The following SLC14A2 variants were observed in gnomAD, a reference collection of about 807,000 sequenced individuals.
SLC14A2 encodes the protein urea transporter 2.
Under a neutral mutation model 104.6 loss-of-function variants are expected in SLC14A2, and 91 were observed. The observed-to-expected ratio is 0.87, with a 90% confidence interval of 0.73 to 1.04. SLC14A2 has a LOEUF of 1.04. Ranked by LOEUF, SLC14A2 falls within the 50% of genes least tolerant of loss-of-function variation. SLC14A2 has a pLI of 0.00. For missense variants in SLC14A2, 1,189 were observed against 1,156.0 expected (o/e 1.03, Z -0.41); for synonymous variants, 476 against 466.4 (o/e 1.02, Z -0.27).
intron 1 of SLC14A2, among the ~76,000 whole-genome samples, chr18:45,421,020 T>A (rs1167895165): frequency 6.6e-6 from 1 of 152,136 alleles, no homozygotes; most frequent in East Asian, 1.9e-4. Flanking sequence ...ATTACAGACA[T>A]GAGCCACCGC....
chr18:45,514,481 G>C (rs905314424), intron 2 of SLC14A2, among the ~76,000 whole-genome samples: 3 of 152,180 alleles, frequency 2.0e-5, no homozygotes, highest in African/African-American at 4.8e-5. Context: ...ATGAGATTTG[G>C]GTGGGGACAT....
At chr18:45,649,528 T>C (rs1210485128) in intron 10 of SLC14A2, among the ~76,000 whole-genome samples, 1 of 152,258 alleles carries the variant, frequency 6.6e-6, no homozygotes, top group Admixed American at 6.5e-5. Context: ...GTATTGAACA[T>C]GTTACATTTT....
intron 1 of SLC14A2, among the ~76,000 whole-genome samples, chr18:45,263,632 G>C: frequency 6.6e-6 from 1 of 152,076 alleles, no homozygotes; most frequent in East Asian, 1.9e-4. Context: ...AAATTCTTCT[G>C]GAAGGAAGAG....
intron 1 of SLC14A2, among the ~76,000 whole-genome samples, chr18:45,382,558 C>T (rs973093877): frequency 1.5e-4 from 23 of 152,140 alleles, no homozygotes; most frequent in Non-Finnish European, 1.0e-4. Context: ...ACTTTTGTTA[C>T]CTGGAGAATA....
Position 45,333,026 on chromosome 18 carries a change from A to G in SLC14A2, c.-125+119835A>G, listed in dbSNP as rs532479185. 2.6e-5 allele frequency among the ~76,000 whole-genome samples: 4 copies of G among 152,350 alleles called. No homozygotes were observed. In the South Asian group the frequency reaches 6.2e-4, roughly 24 times the overall value. ...TAAATGGGCTGAAATCTCCTGAGCTACACAGCTCTGGCAATTTATCATTCA... is the reference window on the plus strand; with the variant it reads ...TAAATGGGCTGAAATCTCCTGAGCTGCACAGCTCTGGCAATTTATCATTCA... On this transcript the variant is annotated intron_variant, in intron 1 of 20. Coordinates refer to the SLC14A2 transcript ENST00000586448.
At chr18:45,378,763 C>CTGT (rs570730451) in intron 1 of SLC14A2, among the ~76,000 whole-genome samples, 3,127 of 152,044 alleles carry the variant, frequency 0.021, 93 homozygotes, top group African/African-American at 0.069. Flanking sequence ...CTGATCATTG[C>CTGT]TGTTGTTGTT....
intron 1 of SLC14A2, among the ~76,000 whole-genome samples, chr18:45,404,917 G>A (rs1006849878): frequency 6.6e-6 from 1 of 152,172 alleles, no homozygotes; most frequent in African/African-American, 2.4e-5. Flanking sequence ...AGTGTTTGAG[G>A]GTGAAGAGGG....
intron 2 of SLC14A2, among the ~76,000 whole-genome samples, chr18:45,495,423 C>T (rs1415155382): frequency 6.6e-6 from 1 of 152,216 alleles, no homozygotes; most frequent in Non-Finnish European, 1.5e-5. Flanking sequence ...GCATAAACTT[C>T]ACTTGACTGG....
intron 1 of SLC14A2, among the ~76,000 whole-genome samples, chr18:45,406,339 A>ATTC (rs2069662427): frequency 6.6e-6 from 1 of 152,310 alleles, no homozygotes; most frequent in East Asian, 1.9e-4. Flanking sequence ...GATTGCAGCA[A>ATTC]TTCAGTCACA....
chr18:45,531,330 T>G (rs1297416962), intron 2 of SLC14A2, among the ~76,000 whole-genome samples: 1 of 152,186 alleles, frequency 6.6e-6, no homozygotes, highest in Non-Finnish European at 1.5e-5. Flanking sequence ...TGTAAAAGTG[T>G]TCCTATTTCT....
At chr18:45,598,444 T>C (rs1234205632) in intron 2 of SLC14A2, among the ~76,000 whole-genome samples, 1 of 152,182 alleles carries the variant, frequency 6.6e-6, no homozygotes, top group Non-Finnish European at 1.5e-5. Flanking sequence ...TGGACGGCGC[T>C]GCATTATGAC....
chr18:45,631,179 A>T (rs1276860146), intron 4 of SLC14A2, among the ~76,000 whole-genome samples: 2 of 152,226 alleles, frequency 1.3e-5, no homozygotes, highest in African/African-American at 4.8e-5. Flanking sequence ...AACAAATACT[A>T]GCTGAGCACC....
Position 45,657,081 on chromosome 18 carries a change from G to A in SLC14A2, c.1352-6704G>A, listed in dbSNP as rs558018263. On this transcript the variant is annotated intron_variant, in intron 10 of 19. Transcript: ENST00000255226. ...CAGATAGGAAGTCTCAGGAAGACTG[G>A]GGTTTTTCTTGAGGAAAGGGAGCCA... Among the ~76,000 whole-genome samples the A allele has an allele frequency of 2.0e-5, 3 of 152,280 alleles. No individual in the cohort carries two copies. In the East Asian group the frequency reaches 5.8e-4, roughly 29 times the overall value.
chr18:45,250,091 C>T (rs1462310894), intron 1 of SLC14A2, among the ~76,000 whole-genome samples: 1 of 152,174 alleles, frequency 6.6e-6, no homozygotes, highest in Admixed American at 6.5e-5. Context: ...TGTGAACCCA[C>T]ATGTGGAAAC....
At chr18:45,291,006 G>A (rs75057314) in intron 1 of SLC14A2, among the ~76,000 whole-genome samples, 2,850 of 152,232 alleles carry the variant, frequency 0.019, 40 homozygotes, top group Non-Finnish European at 0.026. Context: ...GGTTCCCAGC[G>A]TCATCAATAA....
At chr18:45,502,107 T>G (rs151105837) in intron 2 of SLC14A2, among the ~76,000 whole-genome samples, 123 of 152,282 alleles carry the variant, frequency 8.1e-4, no homozygotes, top group African/African-American at 2.8e-3. Flanking sequence ...ACTTTTCCCA[T>G]AGTGACTTTA....
intron 1 of SLC14A2, among the ~76,000 whole-genome samples, chr18:45,433,657 A>G (rs1415298094): frequency 1.3e-5 from 2 of 152,212 alleles, no homozygotes; most frequent in Non-Finnish European, 2.9e-5. Flanking sequence ...TTTGATCTGC[A>G]TTATCTTAAA....
At chr18:45,504,875 T>C (rs1216149850) in intron 2 of SLC14A2, among the ~76,000 whole-genome samples, 1 of 152,170 alleles carries the variant, frequency 6.6e-6, no homozygotes, top group Non-Finnish European at 1.5e-5. Context: ...ATAATAGCGA[T>C]GATAATAAAA....
At chr18:45,261,663 G>GT (rs962237967) in intron 1 of SLC14A2, among the ~76,000 whole-genome samples, 6 of 151,668 alleles carry the variant, frequency 4.0e-5, no homozygotes, top group African/African-American at 1.2e-4. Context: ...GCGGTGTTTG[G>GT]TTTTTTGTCC....
Sources: allele counts gnomAD v4.1 joint callset (sites outside exome capture counted in the v4.1 genomes callset), GRCh38; gene constraint gnomAD v4.1.1; transcripts MANE v1.5; gene names NCBI Gene and HGNC (gene_info 2026-07-23, HGNC 2026-07-21).